C12orf42: variants seen among roughly 807,000 people sequenced by gnomAD.
C12orf42 encodes uncharacterized protein C12orf42.
Under a neutral mutation model 21.6 loss-of-function variants are expected in C12orf42, and 25 were observed. The ratio of observed to expected loss-of-function variants is 1.16; its 90% CI spans 0.84 to 1.62. The LOEUF is 1.62. C12orf42 is among the 40% of genes most tolerant of loss of function. The pLI is 0.00. For synonymous variants in C12orf42, 174 were observed against 175.0 expected (o/e 0.99, Z 0.05); for missense variants, 483 against 459.3 (o/e 1.05, Z -0.47).
the C12orf42 span, among the ~76,000 whole-genome samples, chr12:103,078,404 C>T: frequency 6.6e-6 from 1 of 152,282 alleles, no homozygotes. Context: ...TCATTGCAAA[C>T]ATATAATTCC....
At chr12:103,149,039 T>C in the C12orf42 span, among the ~76,000 whole-genome samples, 3 of 152,192 alleles carry the variant, frequency 2.0e-5, no homozygotes, top group Non-Finnish European at 4.4e-5. Flanking sequence ...AAGTTGTCTT[T>C]GTAGAGGGTC....
chr12:103,341,112 C>CAAAAAAAAA (rs34154888), intron 4 of C12orf42, among the ~76,000 whole-genome samples: 1 of 47,688 alleles, frequency 2.1e-5, no homozygotes, highest in Non-Finnish European at 4.0e-5. Context: ...GACTCTGTCT[C>CAAAAAAAAA]AAAAAAAAAA....
In C12orf42 at chr12:103,244,543, G is replaced by A. The variant is rs576686472; in HGVS notation, c.*1367-6641C>T. On this transcript the variant is annotated intron_variant and NMD_transcript_variant, in intron 10 of 10. Transcript: ENST00000547347. ...TTCCTCTTTCCCTAAGCAGTGTTCA[G>A]CATTCTTTGAAAAAAAAAAAAAAAG... 2.5e-4 allele frequency among the ~76,000 whole-genome samples: 37 copies of A among 146,856 alleles called. No homozygotes were observed. The South Asian group carries it at 2.6e-3, about 10-fold the overall frequency.
intron 10 of C12orf42, among the ~76,000 whole-genome samples, chr12:103,242,536 T>C (rs1261277196): frequency 6.6e-6 from 1 of 152,120 alleles, no homozygotes; most frequent in African/African-American, 2.4e-5. Context: ...TTTTTCAAAT[T>C]TTTTTTCTGC....
chr12:103,447,923 C>T (rs962895146), intron 2 of C12orf42, among the ~76,000 whole-genome samples: 3 of 151,878 alleles, frequency 2.0e-5, no homozygotes, highest in Non-Finnish European at 4.4e-5. Context: ...CATCATTCTT[C>T]ACAGAACTAG....
At chr12:103,049,069 T>C in the C12orf42 span, among the ~76,000 whole-genome samples, 9 of 152,214 alleles carry the variant, frequency 5.9e-5, no homozygotes, top group Non-Finnish European at 1.0e-4. Context: ...TGGCTTTAAA[T>C]GCAATTTCTG....
chr12:103,303,307 C>CA (rs1566039430), intron 5 of C12orf42, among the ~76,000 whole-genome samples: 2 of 151,348 alleles, frequency 1.3e-5, no homozygotes, highest in Admixed American at 6.6e-5. Context: ...TATAAACTTC[C>CA]ATATTATATA....
intron 4 of C12orf42, among the ~76,000 whole-genome samples, chr12:103,321,282 C>T (rs1192413843): frequency 6.6e-6 from 1 of 151,354 alleles, no homozygotes; most frequent in African/African-American, 2.4e-5. Context: ...CATCACTGGC[C>T]ATCAGAGAAA....
At chr12:103,077,181 T>C in the C12orf42 span, among the ~76,000 whole-genome samples, 2 of 152,320 alleles carry the variant, frequency 1.3e-5, no homozygotes, top group African/African-American at 4.8e-5. Context: ...CTAAAGATAA[T>C]TGAAGATATA....
chr12:103,209,106 A>G, the C12orf42 span, among the ~76,000 whole-genome samples: 3 of 152,170 alleles, frequency 2.0e-5, no homozygotes, highest in East Asian at 1.9e-4. Flanking sequence ...TGCAACTCCA[A>G]TGTGGTTTGG....
intron 3 of C12orf42, among the ~76,000 whole-genome samples, chr12:103,374,072 G>A (rs542552847): frequency 1.3e-5 from 2 of 152,154 alleles, no homozygotes; most frequent in South Asian, 4.1e-4. Flanking sequence ...ATGGCAATCT[G>A]GGTCTGGAGA....
intron 4 of C12orf42, among the ~76,000 whole-genome samples, chr12:103,363,483 G>A (rs1233497194): frequency 6.6e-6 from 1 of 152,106 alleles, no homozygotes; most frequent in African/African-American, 2.4e-5. Flanking sequence ...TAATGGATTA[G>A]TACCTCACAT....
the C12orf42 span, among the ~76,000 whole-genome samples, chr12:103,056,089 C>T: frequency 6.6e-6 from 1 of 152,084 alleles, no homozygotes; most frequent in Non-Finnish European, 1.5e-5. Context: ...TATACACTTG[C>T]TAATTTTCTG....
At chr12:103,326,573 A>G (rs1477380823) in intron 4 of C12orf42, among the ~76,000 whole-genome samples, 1 of 152,140 alleles carries the variant, frequency 6.6e-6, no homozygotes, top group Non-Finnish European at 1.5e-5. Flanking sequence ...CACTCCAGCC[A>G]CAGTGGCGTT....
At chr12:103,458,453 G>C (rs914256890) in intron 2 of C12orf42, among the ~76,000 whole-genome samples, 2 of 152,112 alleles carry the variant, frequency 1.3e-5, no homozygotes, top group Admixed American at 6.5e-5. Flanking sequence ...GCAGCTCTGC[G>C]CTTACCCAGG....
chr12:103,339,879 T>C (rs1027070094), intron 4 of C12orf42, among the ~76,000 whole-genome samples: 1 of 152,186 alleles, frequency 6.6e-6, no homozygotes, highest in Non-Finnish European at 1.5e-5. Flanking sequence ...GGAATTTAAA[T>C]AAAAGAAACT....
intron 4 of C12orf42, among the ~76,000 whole-genome samples, chr12:103,313,371 T>C (rs557288734): frequency 3.3e-5 from 5 of 152,334 alleles, no homozygotes; most frequent in Non-Finnish European, 7.3e-5. Context: ...GTGAAAGTCA[T>C]TTTTAAGCTA....
chr12:103,535,590 A>G, the C12orf42 span, among the ~76,000 whole-genome samples: 1 of 152,048 alleles, frequency 6.6e-6, no homozygotes, highest in Non-Finnish European at 1.5e-5. Context: ...TAAAGTAGGG[A>G]GGTAATATAT....
chr12:103,112,729 A>T, the C12orf42 span, among the ~76,000 whole-genome samples: 1 of 152,170 alleles, frequency 6.6e-6, no homozygotes, highest in East Asian at 1.9e-4. Flanking sequence ...ATACAAACTA[A>T]GTCCTTAACT....
Sources: allele counts gnomAD v4.1 joint callset (sites outside exome capture counted in the v4.1 genomes callset), GRCh38; gene constraint gnomAD v4.1.1; transcripts MANE v1.5; gene names NCBI Gene and HGNC (gene_info 2026-07-23, HGNC 2026-07-21).